XIRP2: variants seen among roughly 807,000 people sequenced by gnomAD.
XIRP2 encodes xin actin-binding repeat-containing protein 2.
XIRP2 carries 236 observed loss-of-function variants against 277.0 expected under a neutral mutation model. The ratio of observed to expected loss-of-function variants is 0.85; its 90% confidence interval spans 0.77 to 0.95. XIRP2 has a LOEUF of 0.95. XIRP2 is among the 40% of genes least tolerant of loss of function. The pLI is 0.00. For missense variants in XIRP2, 4,640 were observed against 4,157.5 expected, an observed-to-expected ratio of 1.12 and a Z score of -3.19; for synonymous variants, 1,490 against 1,416.5, an observed-to-expected ratio of 1.05 and a Z score of -1.17.
intron 2 of XIRP2, among the ~76,000 whole-genome samples, chr2:167,041,854 AT>A (rs1449996773): frequency 1.3e-5 from 2 of 152,146 alleles, no homozygotes; most frequent in Non-Finnish European, 2.9e-5. Flanking sequence ...AACATATGAG[AT>A]ACCATCACAA....
intron 2 of XIRP2, among the ~76,000 whole-genome samples, chr2:166,966,184 T>G (rs1243323440): frequency 6.6e-6 from 1 of 151,862 alleles, no homozygotes; most frequent in Non-Finnish European, 1.5e-5. Flanking sequence ...TCAGGCTAAA[T>G]AGTTGTCAAT....
intron 2 of XIRP2, among the ~76,000 whole-genome samples, chr2:167,018,432 T>G (rs1274988092): frequency 1.3e-5 from 2 of 151,796 alleles, no homozygotes; most frequent in South Asian, 4.1e-4. Flanking sequence ...ATGTAAAGAA[T>G]AAAGGGGGAT....
At chr2:166,955,184 G>A (rs531568390) in intron 2 of XIRP2, among the ~76,000 whole-genome samples, 5 of 151,814 alleles carry the variant, frequency 3.3e-5, no homozygotes, top group South Asian at 4.2e-4. Flanking sequence ...ATTAGAAAAC[G>A]GATAGACAAA....
At chr2:167,201,296 G>C (rs1693706951) in intron 3 of XIRP2, among the ~76,000 whole-genome samples, 1 of 150,350 alleles carries the variant, frequency 6.7e-6, no homozygotes, top group Non-Finnish European at 1.5e-5. Flanking sequence ...AAGGAGGGAG[G>C]GAGGGAAGGA....
At chr2:167,090,793 G>A (rs915500768) in intron 2 of XIRP2, among the ~76,000 whole-genome samples, 11 of 152,002 alleles carry the variant, frequency 7.2e-5, no homozygotes, top group Non-Finnish European at 1.6e-4. Flanking sequence ...AAGAACCAAT[G>A]TGATCTCTCA....
At chr2:167,102,128 G>C (rs1690502436) in intron 2 of XIRP2, among the ~76,000 whole-genome samples, 1 of 152,118 alleles carries the variant, frequency 6.6e-6, no homozygotes, top group Non-Finnish European at 1.5e-5. Flanking sequence ...GGTTGCCCTA[G>C]ACAGCTTGTT....
intron 2 of XIRP2, among the ~76,000 whole-genome samples, chr2:166,970,030 C>A (rs1415783302): frequency 6.6e-6 from 1 of 151,974 alleles, no homozygotes; most frequent in Non-Finnish European, 1.5e-5. Flanking sequence ...TGAAAGGGAA[C>A]CAATCTGCCC....
chr2:166,995,873 T>C lies in XIRP2; in HGVS notation c.408+91983T>C, dbSNP rs1018251970. On this transcript the variant is annotated intron_variant, in intron 2 of 10. Transcript: ENST00000409195. ...AAATGCCACTTCTTATCGCAGAGCC[T>C]ATACTTGCACTGTCCTGAGGCCTAC... 2.0e-5 allele frequency among the ~76,000 whole-genome samples: 3 copies of C among 152,184 alleles called. No homozygotes were observed. In the South Asian group the frequency reaches 6.2e-4, roughly 31 times the overall value.
intron 2 of XIRP2, among the ~76,000 whole-genome samples, chr2:167,116,392 C>T (rs1346234937): frequency 6.6e-6 from 1 of 152,056 alleles, no homozygotes; most frequent in Non-Finnish European, 1.5e-5. Flanking sequence ...GGCAATGTTC[C>T]TTTCTGTCTC....
chr2:167,159,832 T>C (rs1053117994), intron 3 of XIRP2, among the ~76,000 whole-genome samples: 5 of 152,308 alleles, frequency 3.3e-5, no homozygotes, highest in South Asian at 2.1e-4. Context: ...TTATCATATA[T>C]TATTTAGTTA....
chr2:167,004,666 A>T (rs931528581), intron 2 of XIRP2, among the ~76,000 whole-genome samples: 1 of 151,944 alleles, frequency 6.6e-6, no homozygotes, highest in Admixed American at 6.6e-5. Context: ...ACAAATGTAT[A>T]GCAGAAACAG....
chr2:167,131,307 G>C (rs1182306745), intron 2 of XIRP2, among the ~76,000 whole-genome samples: 16 of 152,010 alleles, frequency 1.1e-4, no homozygotes. Context: ...CTTCTATATA[G>C]TCAGCACCTC....
At chr2:167,101,160 A>C (rs1426553086) in intron 2 of XIRP2, among the ~76,000 whole-genome samples, 1 of 152,206 alleles carries the variant, frequency 6.6e-6, no homozygotes, top group Non-Finnish European at 1.5e-5. Flanking sequence ...TTAAAATACT[A>C]TCCAGTTGTA....
intron 3 of XIRP2, among the ~76,000 whole-genome samples, chr2:167,148,775 A>C (rs1425695850): frequency 6.6e-6 from 1 of 152,216 alleles, no homozygotes; most frequent in Non-Finnish European, 1.5e-5. Flanking sequence ...AATAGACTTA[A>C]ATGGAAAAAA....
intron 3 of XIRP2, among the ~76,000 whole-genome samples, chr2:167,154,283 A>C (rs1471287118): frequency 6.7e-6 from 1 of 150,184 alleles, no homozygotes; most frequent in Non-Finnish European, 1.5e-5. Context: ...AATTTGTTTG[A>C]GTTCATTGTA....
chr2:167,248,405 T>C lies in XIRP2; in HGVS notation c.7013T>C (p.Phe2338Ser), dbSNP rs1157260641. 6.2e-7 allele frequency: 1 copy of C among 1,613,724 alleles called. No individual in the cohort carries two copies. Among genetic ancestry groups the C allele is most frequent in the East Asian group, 2.2e-5 (1 of 44,840 alleles). ...TCCACAGAGAAGATAAAGGCTGAATTTGAAAGTTTTCCAGGCCTCCCTCTT... is the reference window on the plus strand; with the variant it reads ...TCCACAGAGAAGATAAAGGCTGAATCTGAAAGTTTTCCAGGCCTCCCTCTT... Reference protein sequence around the residue: ...SLSTEKIKAEFESFPGLPLPP... With the variant: ...SLSTEKIKAESESFPGLPLPP... Residue 2338 changes from phenylalanine (F) to serine (S), a missense_variant, in exon 9 of 11, where the codon TTT becomes TCT. By Grantham distance (155) the Phe-to-Ser change is radical (BLOSUM62 -2). Coordinates refer to ENST00000409195, the MANE Select transcript of XIRP2 (RefSeq NM_152381.6).
intron 2 of XIRP2, among the ~76,000 whole-genome samples, chr2:166,934,886 C>T (rs1685449834): frequency 6.6e-6 from 1 of 151,904 alleles, no homozygotes; most frequent in African/African-American, 2.4e-5. Flanking sequence ...AAATAATTAA[C>T]TAGTTGTGGT....
chr2:167,170,785 A>G (rs73023906), intron 3 of XIRP2, among the ~76,000 whole-genome samples: 15,025 of 150,512 alleles, frequency 0.1, 800 homozygotes, highest in South Asian at 0.16. Context: ...TTTCTATTAT[A>G]TGGATTTCTA....
Position 166,986,728 on chromosome 2 carries a change from A to T in XIRP2, c.408+82838A>T, listed in dbSNP as rs78489246. Among the ~76,000 whole-genome samples the T allele has an allele frequency of 6.1e-3, 929 of 152,322 alleles. 75 individuals carry two copies. In the East Asian group the frequency reaches 0.16, roughly 26 times the overall value. Reference sequence around the variant, plus strand: ...TGATCCTGTTAAATGTTTATCAGGGATCTTTGTATTGAATTAATTTAACTT... The same window carrying T: ...TGATCCTGTTAAATGTTTATCAGGGTTCTTTGTATTGAATTAATTTAACTT... On this transcript the variant is annotated intron_variant, in intron 2 of 10. Transcript: ENST00000409195.
Sources: gnomAD v4.1 joint callset for allele counts (sites outside exome capture counted in the v4.1 genomes callset) on GRCh38, gnomAD v4.1.1 for gene constraint, MANE v1.5 for transcripts, NCBI Gene and HGNC (gene_info 2026-07-23, HGNC 2026-07-21) for gene names.